TMEM30A: variants seen among roughly 807,000 people sequenced by gnomAD.
TMEM30A encodes the protein cell division cycle 50 P4-ATPase accessory subunit A.
A neutral mutation model predicts 38.2 loss-of-function variants in TMEM30A; 24 were observed. The ratio of observed to expected loss-of-function variants is 0.63; its 90% CI spans 0.46 to 0.88. The LOEUF is 0.88. Ranked by LOEUF, TMEM30A falls within the 40% of genes least tolerant of loss-of-function variation. The probability of loss-of-function intolerance (pLI) is 0.00; values close to 1 mark genes in which losing one functional copy is unlikely to be tolerated. For synonymous variants in TMEM30A, 145 were observed against 161.6 expected (o/e 0.90, Z 0.78); for missense variants, 370 against 458.6 (o/e 0.81, Z 1.77).
intron 4 of TMEM30A, among the ~76,000 whole-genome samples, chr6:75,260,383 G>A (rs1771944051): frequency 6.6e-6 from 1 of 151,780 alleles, no homozygotes; most frequent in Non-Finnish European, 1.5e-5. Flanking sequence ...TCCAGCCTGG[G>A]CGACAGAATG....
intron 1 of TMEM30A, 44 bp from the exon 2 acceptor site, chr6:75,267,792 G>T: frequency 7.3e-7 from 1 of 1,372,866 alleles, no homozygotes; most frequent in Non-Finnish European, 1.0e-6. Context: ...AGAGAAAGTG[G>T]ATACCTAAAA....
chr6:75,270,258 A>C (rs536584143), intron 1 of TMEM30A, among the ~76,000 whole-genome samples: 1 of 152,164 alleles, frequency 6.6e-6, no homozygotes, highest in African/African-American at 2.4e-5. Flanking sequence ...ATGTGGTAAT[A>C]TGTCATTGTT....
intron 3 of TMEM30A, among the ~76,000 whole-genome samples, chr6:75,264,159 A>G (rs1772021679): frequency 6.6e-6 from 1 of 152,358 alleles, no homozygotes; most frequent in East Asian, 1.9e-4. Context: ...AATCCCACAC[A>G]TCAGCAACTG....
At chr6:75,279,069 C>T (rs567840003) in intron 1 of TMEM30A, among the ~76,000 whole-genome samples, 33 of 151,814 alleles carry the variant, frequency 2.2e-4, no homozygotes, top group African/African-American at 7.7e-4. Context: ...TCTCATCTTC[C>T]CCAAAAGATG....
rs1771822236 is a variant in TMEM30A at position 75,253,721 on chromosome 6, T to C, written c.*2381A>G. 1 of 152,604 alleles carries C rather than the reference T, an allele frequency of 6.6e-6. No individual in the cohort carries two copies. The highest frequency in any genetic ancestry group is 1.5e-5 in the Non-Finnish European group (1 of 68,000). The allele number at this position is 152,604 out of a possible 1,614,324, so 9.5% of individuals were successfully genotyped here. The stretch of plus-strand genomic sequence containing the variant: ...TAGCAAATAAACAAACGATATTCAC[T>C]TGACTCTTCTCTTGGTTGAATGATT... On this transcript the variant is annotated 3_prime_UTR_variant, in exon 7 of 7. Transcript: ENST00000230461.
intron 1 of TMEM30A, among the ~76,000 whole-genome samples, chr6:75,273,075 T>G (rs1293286995): frequency 6.6e-6 from 1 of 152,190 alleles, no homozygotes; most frequent in Non-Finnish European, 1.5e-5. Context: ...ACTCCCTTAC[T>G]TCCCACTTGT....
intron 1 of TMEM30A, among the ~76,000 whole-genome samples, chr6:75,283,964 C>T (rs1004072515): frequency 6.6e-6 from 1 of 152,152 alleles, no homozygotes; most frequent in African/African-American, 2.4e-5. Flanking sequence ...GGATACTTCC[C>T]ACAAAGGTAA....
At chr6:75,278,434 T>A (rs989892072) in intron 1 of TMEM30A, among the ~76,000 whole-genome samples, 1 of 152,138 alleles carries the variant, frequency 6.6e-6, no homozygotes, top group Non-Finnish European at 1.5e-5. Flanking sequence ...TAAGTGGAGG[T>A]GGTACATGAC....
chr6:75,264,066 C>T lies in TMEM30A; in HGVS notation c.453+1165G>A, dbSNP rs548184132. ...TAAAAATTGGATCCTATGGAATAAACCCCACATAGATTCAAAATATCATAG... is the reference window on the plus strand; with the variant it reads ...TAAAAATTGGATCCTATGGAATAAATCCCACATAGATTCAAAATATCATAG... On this transcript the variant is annotated intron_variant, in intron 3 of 6. Transcript: ENST00000230461. 2.0e-4 allele frequency among the ~76,000 whole-genome samples: 31 copies of T among 152,250 alleles called. No homozygotes were observed. In the South Asian group the frequency reaches 5.6e-3, roughly 27 times the overall value.
Position 75,253,671 on chromosome 6 carries a change from A to C in TMEM30A, c.*2431T>G, listed in dbSNP as rs1180632674. ...ACTAACCAAATATTATCATTTAATA[A>C]AATCAACGTTACAAAGAAACTCACT... is the stretch of plus-strand genomic sequence containing the variant. On this transcript the variant is annotated 3_prime_UTR_variant, in exon 7 of 7. Coordinates refer to ENST00000230461, the MANE Select transcript of TMEM30A (RefSeq NM_018247.4). 6.6e-6 allele frequency: 1 copy of C among 152,596 alleles called. No homozygotes were observed. Among genetic ancestry groups the C allele is most frequent in the Non-Finnish European group, 1.5e-5 (1 of 68,010 alleles). The allele number at this position is 152,596 out of a possible 1,614,324, so 9.5% of individuals were successfully genotyped here. A position where few individuals can be genotyped will look rare whatever the true frequency, so the allele number is the denominator to read the frequency against.
chr6:75,264,585 G>A (rs922684748), intron 3 of TMEM30A, among the ~76,000 whole-genome samples: 2 of 151,864 alleles, frequency 1.3e-5, no homozygotes, highest in Admixed American at 6.6e-5. Context: ...GCAGTGAGCC[G>A]AGGTCGCGCC....
chr6:75,260,377 G>C (rs966873305), intron 4 of TMEM30A, among the ~76,000 whole-genome samples: 2 of 151,900 alleles, frequency 1.3e-5, no homozygotes, highest in African/African-American at 4.8e-5. Context: ...CTGCACTCCA[G>C]CCTGGGCGAC....
At chr6:75,267,814 G>C in intron 1 of TMEM30A, 66 bp from the exon 2 acceptor site, 2 of 1,084,776 alleles carry the variant, frequency 1.8e-6, no homozygotes, top group African/African-American at 1.6e-5. Context: ...ACTCTGAAAC[G>C]ACTTGCTATT....
At chr6:75,277,560 T>C (rs1164785725) in intron 1 of TMEM30A, among the ~76,000 whole-genome samples, 2 of 152,142 alleles carry the variant, frequency 1.3e-5, no homozygotes, top group Non-Finnish European at 2.9e-5. Flanking sequence ...GCTATGAACA[T>C]TGCCACTGCA....
At chr6:75,283,347 C>A (rs1772392758) in intron 1 of TMEM30A, among the ~76,000 whole-genome samples, 1 of 149,736 alleles carries the variant, frequency 6.7e-6, no homozygotes, top group African/African-American at 2.5e-5. Flanking sequence ...ATAAACAGAA[C>A]AGAAGGAATC....
intron 1 of TMEM30A, among the ~76,000 whole-genome samples, chr6:75,279,050 G>GT (rs1401915877): frequency 1.5e-5 from 2 of 134,454 alleles, no homozygotes; most frequent in East Asian, 5.2e-4. Flanking sequence ...TAGTTTTCTT[G>GT]TTATTGTGTC....
At chr6:75,275,095 T>C (rs1268409222) in intron 1 of TMEM30A, among the ~76,000 whole-genome samples, 1 of 152,152 alleles carries the variant, frequency 6.6e-6, no homozygotes, top group East Asian at 1.9e-4. Context: ...TTACAAGCTC[T>C]TCCTTTGATT....
At chr6:75,268,496 C>A (rs1243163625) in intron 1 of TMEM30A, among the ~76,000 whole-genome samples, 1 of 152,184 alleles carries the variant, frequency 6.6e-6, no homozygotes, top group Non-Finnish European at 1.5e-5. Flanking sequence ...AATAGAAACT[C>A]TAGACACTGA....
Position 75,265,230 on chromosome 6 carries a change from C to T in TMEM30A, c.453+1G>A. On this transcript the variant is annotated splice_donor_variant, in intron 3 of 6. Transcript: ENST00000230461. LOFTEE classifies it high-confidence loss of function. ...ATTTTCATATTTATCATTTTACTTA[C>T]AAGCAAAGCACTAGAATCTCCATTT... The T allele has an allele frequency of 6.4e-7, 1 of 1,557,274 alleles. No homozygotes were observed. The highest frequency in any genetic ancestry group is 1.2e-5 in the South Asian group (1 of 86,456).
Sources: gnomAD v4.1 joint callset for allele counts (sites outside exome capture counted in the v4.1 genomes callset) on GRCh38, gnomAD v4.1.1 for gene constraint, MANE v1.5 for transcripts, NCBI Gene and HGNC (gene_info 2026-07-23, HGNC 2026-07-21) for gene names.